Variants in FAM185A observed in about 807,000 individuals in gnomAD.
FAM185A encodes family with sequence similarity 185 member A, also known as protein FAM185A.
A neutral mutation model predicts 45.7 loss-of-function variants in FAM185A; 21 were observed. The observed-to-expected ratio is 0.46, with a 90% CI of 0.33 to 0.66. The LOEUF (loss-of-function observed/expected upper bound fraction) is 0.66. FAM185A is among the 30% of genes least tolerant of loss of function. The probability of loss-of-function intolerance (pLI) is 0.03; values close to 1 mark genes in which losing one functional copy is unlikely to be tolerated. For missense variants in FAM185A, 305 were observed against 485.4 expected (o/e 0.63, Z 3.49); for synonymous variants, 117 against 194.0 (o/e 0.60, Z 3.30).
intron 6 of FAM185A, among the ~76,000 whole-genome samples, chr7:102,781,112 G>T (rs544671729): frequency 6.6e-5 from 10 of 152,288 alleles, no homozygotes; most frequent in African/African-American, 2.4e-4. Context: ...CGAGGCTAGG[G>T]GAGGGGCGTC....
At chr7:102,830,386 T>G in the FAM185A span, among the ~76,000 whole-genome samples, 1 of 152,184 alleles carries the variant, frequency 6.6e-6, no homozygotes, top group African/African-American at 2.4e-5. Flanking sequence ...GTTGCCCATA[T>G]GTCTGTGTGC....
rs533730885 is a variant in FAM185A, at chr7:102,786,158, G to A, written c.932-1177G>A. ...ACCATCTCACACCAGTTAGAATGGC[G>A]ATCATTAAAAAGTCAGGAAACAACA... On this transcript the variant is annotated intron_variant, in intron 6 of 7. Transcript: ENST00000413034. Among the ~76,000 whole-genome samples the A allele has an allele frequency of 3.1e-3, 473 of 151,880 alleles. 2 individuals carry two copies. Among genetic ancestry groups the A allele is most frequent in the South Asian group, 0.012 (57 of 4,794 alleles).
rs1794084161 is a variant in FAM185A at position 102,761,132 on chromosome 7, A to T, written c.655-141A>T. Reference sequence around the variant, plus strand: ...CTATTGCTCAGAATCTCGTAATTAGAGGTAGGGAATCAGAGTCAATAAAGT... The same window carrying T: ...CTATTGCTCAGAATCTCGTAATTAGTGGTAGGGAATCAGAGTCAATAAAGT... On this transcript the variant is annotated intron_variant, in intron 3 of 7. Coordinates refer to ENST00000413034, the MANE Select transcript of FAM185A (RefSeq NM_001145268.2). 12 of 691,552 alleles carry T rather than the reference A, an allele frequency of 1.7e-5. No individual in the cohort carries two copies. In the South Asian group the frequency reaches 2.9e-4, roughly 16 times the overall value. The allele number at this position is 691,552 out of a possible 1,614,324, so 42.8% of individuals were successfully genotyped here. A position where few individuals can be genotyped will look rare whatever the true frequency, so the allele number is the denominator to read the frequency against.
At chr7:102,828,530 TC>T in the FAM185A span, among the ~76,000 whole-genome samples, 1 of 152,214 alleles carries the variant, frequency 6.6e-6, no homozygotes, top group Non-Finnish European at 1.5e-5. Context: ...CTTACTCCTC[TC>T]CCTTTACATT....
At chr7:102,812,204 A>G (rs1240965866), downstream of FAM185A, among the ~76,000 whole-genome samples, 1 of 152,262 alleles carries the variant, frequency 6.6e-6, no homozygotes, top group Non-Finnish European at 1.5e-5. Context: ...ATAATATCAA[A>G]TAATGGTAAA....
the FAM185A span, among the ~76,000 whole-genome samples, chr7:102,817,768 T>C: frequency 2.0e-5 from 3 of 152,192 alleles, no homozygotes; most frequent in African/African-American, 7.2e-5. Flanking sequence ...GGAACCACTG[T>C]GTGTTCTAAA....
chr7:102,794,382 T>A (rs1265399036), intron 7 of FAM185A, among the ~76,000 whole-genome samples: 1 of 152,170 alleles, frequency 6.6e-6, no homozygotes, highest in African/African-American at 2.4e-5. Context: ...AGAAGATATA[T>A]GATGGCAAAA....
the FAM185A span, among the ~76,000 whole-genome samples, chr7:102,829,605 G>T: frequency 3.9e-5 from 6 of 152,154 alleles, no homozygotes; most frequent in Non-Finnish European, 7.4e-5. Flanking sequence ...GCTTTGAACT[G>T]GCCCCAGAGC....
chr7:102,823,285 A>G, the FAM185A span, among the ~76,000 whole-genome samples: 2 of 152,208 alleles, frequency 1.3e-5, no homozygotes, highest in African/African-American at 2.4e-5. Flanking sequence ...ATAACATTAC[A>G]TGCTACAAAA....
At chr7:102,821,569 T>A in the FAM185A span, among the ~76,000 whole-genome samples, 3 of 152,340 alleles carry the variant, frequency 2.0e-5, no homozygotes, top group Admixed American at 2.0e-4. Flanking sequence ...ATCTGCCTAA[T>A]AGAACCTTAC....
At chr7:102,776,351 C>T (rs1795059096) in intron 5 of FAM185A, among the ~76,000 whole-genome samples, 3 of 152,026 alleles carry the variant, frequency 2.0e-5, no homozygotes, top group African/African-American at 7.2e-5. Flanking sequence ...AGCACTAACT[C>T]TTCAAGTTCA....
intron 2 of FAM185A, among the ~76,000 whole-genome samples, chr7:102,754,313 ACCT>A (rs1304075994): frequency 1.3e-5 from 2 of 151,872 alleles, no homozygotes; most frequent in Non-Finnish European, 2.9e-5. Flanking sequence ...TGATTCTCCC[ACCT>A]CAGCCTCCCG....
chr7:102,842,230 C>T, the FAM185A span, among the ~76,000 whole-genome samples: 1 of 152,202 alleles, frequency 6.6e-6, no homozygotes, highest in Non-Finnish European at 1.5e-5. Flanking sequence ...AGGAGTCCTC[C>T]GTTGCTTCTG....
At position 102,749,478 on chromosome 7, in the gene FAM185A, G is replaced by C; in HGVS notation, c.271G>C (p.Asp91His). ...GTGCCACCTGGCCGTGAGGCCCCTG[G>C]ACCCCCTCACCTACCCGGATGGCGA... ...LPCHLAVRPLDPLTYPDGDRV... is the reference protein window; with the variant it reads ...LPCHLAVRPLHPLTYPDGDRV... Residue 91 changes from aspartate (D) to histidine (H), a missense_variant, in exon 1 of 8, where the codon GAC becomes CAC. Physicochemically the swap from Asp to His is moderately conservative, Grantham distance 81 (BLOSUM62 -1). Around this residue, in one of 5 missense-constraint regions of FAM185A, gnomAD observed 174 missense variants for 247.1 expected, o/e 0.70. Coordinates refer to ENST00000413034, the MANE Select transcript of FAM185A (RefSeq NM_001145268.2). The C allele has an allele frequency of 1.3e-6, 2 of 1,545,364 alleles. No homozygotes were observed. The highest frequency in any genetic ancestry group is 1.7e-6 in the Non-Finnish European group (2 of 1,144,954).
At chr7:102,773,911 C>T (rs1794904915) in intron 5 of FAM185A, among the ~76,000 whole-genome samples, 1 of 152,090 alleles carries the variant, frequency 6.6e-6, no homozygotes, top group Non-Finnish European at 1.5e-5. Flanking sequence ...ATTACTGTAT[C>T]TTTGGTAAGT....
chr7:102,759,423 CTA>C (rs1298694113), intron 3 of FAM185A, among the ~76,000 whole-genome samples: 1 of 151,908 alleles, frequency 6.6e-6, no homozygotes, highest in African/African-American at 2.4e-5. Flanking sequence ...AAGAATCAGT[CTA>C]GGGTTTTTTT....
chr7:102,784,543 A>C lies in FAM185A; in HGVS notation c.932-2792A>C, dbSNP rs1416511789. Among the ~76,000 whole-genome samples, 5 of 152,166 alleles carry C rather than the reference A, an allele frequency of 3.3e-5. No individual in the cohort carries two copies. In the South Asian group the frequency reaches 1.0e-3, roughly 32 times the overall value. ...GCTGGTTCAACATATGCAAATCAATAAACATAATCCAGCATATAAACAGAA... is the reference window on the plus strand; with the variant it reads ...GCTGGTTCAACATATGCAAATCAATCAACATAATCCAGCATATAAACAGAA... On this transcript the variant is annotated intron_variant, in intron 6 of 7. Coordinates refer to ENST00000413034, the MANE Select transcript of FAM185A (RefSeq NM_001145268.2).
intron 4 of FAM185A, among the ~76,000 whole-genome samples, chr7:102,771,914 C>T (rs2261257): frequency 0.52 from 77,717 of 150,868 alleles, 22,646 homozygotes; most frequent in Non-Finnish European, 0.65. Flanking sequence ...ATTCATTATT[C>T]CTATCTCAAA....
At chr7:102,755,923 C>G in intron 2 of FAM185A, 1 of 667,388 alleles carries the variant, frequency 1.5e-6, no homozygotes, top group Admixed American at 2.2e-5. Flanking sequence ...AAAGAACTTG[C>G]CACTAAACTG....
Sources: allele counts gnomAD v4.1 joint callset (sites outside exome capture counted in the v4.1 genomes callset), GRCh38; gene constraint gnomAD v4.1.1; regional missense constraint gnomAD v4.1.1; transcripts MANE v1.5; gene names NCBI Gene and HGNC (gene_info 2026-07-23, HGNC 2026-07-21).